The following TIMP2 variants were observed in gnomAD, a reference collection of about 807,000 sequenced individuals.
The protein encoded by TIMP2 is TIMP metallopeptidase inhibitor 2, also known as metalloproteinase inhibitor 2.
Under a neutral mutation model 24.3 loss-of-function variants are expected in TIMP2, and 5 were observed. The observed-to-expected ratio is 0.21, with a 90% CI of 0.11 to 0.43. The LOEUF (loss-of-function observed/expected upper bound fraction) is 0.43, where lower values mean the gene tolerates loss of function less well. TIMP2 is among the 20% of genes least tolerant of loss of function. The probability of loss-of-function intolerance (pLI) is 1.00; values close to 1 mark genes in which losing one functional copy is unlikely to be tolerated. For synonymous variants in TIMP2, 130 were observed against 123.2 expected (o/e 1.06, Z -0.37); for missense variants, 221 against 297.5 (o/e 0.74, Z 1.89).
chr17:78,899,414 G>C (rs534821255), intron 1 of TIMP2: 1 of 152,346 alleles, frequency 6.6e-6, no homozygotes, highest in Non-Finnish European at 1.5e-5. Flanking sequence ...AAGTCTCTGA[G>C]TGCAACCCGC....
At chr17:78,922,851 A>G (rs1434843288) in intron 1 of TIMP2, among the ~76,000 whole-genome samples, 2 of 152,208 alleles carry the variant, frequency 1.3e-5, no homozygotes, top group Non-Finnish European at 2.9e-5. Context: ...AGAGAAGGCC[A>G]TGTGAAGACA....
At position 78,855,588 on chromosome 17, in the gene TIMP2, G is replaced by C; in HGVS notation, c.*79C>G. 6.8e-7 allele frequency: 1 copy of C among 1,481,444 alleles called. No homozygotes were observed. Among genetic ancestry groups the C allele is most frequent in the Non-Finnish European group, 9.2e-7 (1 of 1,083,274 alleles). The allele number at this position is 1,481,444 out of a possible 1,614,324, so 91.8% of individuals were successfully genotyped here. On this transcript the variant is annotated 3_prime_UTR_variant, in exon 5 of 5. Transcript: ENST00000262768. The surrounding 1 kb of genome is among the most constrained non-coding windows in gnomAD (Gnocchi z 6.0). ...AGTGTTTTATTCATGCTGTTTCCAG[G>C]AAGGGATGTCAGAGCTGGACCAGTC... is the stretch of plus-strand genomic sequence containing the variant.
chr17:78,918,954 T>C (rs2070286687), intron 1 of TIMP2, among the ~76,000 whole-genome samples: 1 of 149,804 alleles, frequency 6.7e-6, no homozygotes, highest in East Asian at 2.0e-4. Context: ...CACTCCAGCC[T>C]GGGTGACACA....
intron 1 of TIMP2, among the ~76,000 whole-genome samples, chr17:78,923,058 C>T (rs1286078097): frequency 1.3e-5 from 2 of 152,088 alleles, no homozygotes; most frequent in African/African-American, 4.8e-5. Flanking sequence ...TTTGTCACAG[C>T]GGCCACAGGA....
intron 3 of TIMP2, among the ~76,000 whole-genome samples, chr17:78,867,752 C>T (rs531116144): frequency 1.1e-4 from 17 of 151,894 alleles, no homozygotes; most frequent in African/African-American, 2.2e-4. Context: ...CCCGCCACCA[C>T]GCCCGGCTAA....
At chr17:78,872,456 T>C (rs2069693985) in intron 2 of TIMP2, among the ~76,000 whole-genome samples, 1 of 152,168 alleles carries the variant, frequency 6.6e-6, no homozygotes, top group South Asian at 2.1e-4. Flanking sequence ...AGGTGAAGAA[T>C]GGCATTTTCT....
At chr17:78,868,493 C>T (rs950120129) in intron 3 of TIMP2, among the ~76,000 whole-genome samples, 9 of 152,102 alleles carry the variant, frequency 5.9e-5, no homozygotes, top group African/African-American at 9.7e-5. Context: ...TCAAGCAATC[C>T]GCCCGCCTCA....
chr17:78,888,316 G>A (rs780049561), intron 1 of TIMP2, among the ~76,000 whole-genome samples: 2 of 151,346 alleles, frequency 1.3e-5, no homozygotes, highest in Non-Finnish European at 2.9e-5. Flanking sequence ...CCACCACCAC[G>A]CCCGGCTAAT....
intron 1 of TIMP2, among the ~76,000 whole-genome samples, chr17:78,918,080 A>ACACACGCG (rs1355685191): frequency 6.0e-5 from 9 of 150,732 alleles, no homozygotes; most frequent in African/African-American, 2.2e-4. Context: ...ACACACACAC[A>ACACACGCG]CACACACACA....
chr17:78,887,901 A>G (rs953036943), intron 1 of TIMP2, among the ~76,000 whole-genome samples: 10 of 152,172 alleles, frequency 6.6e-5, no homozygotes, highest in Non-Finnish European at 1.3e-4. Flanking sequence ...TGGAGAAGCT[A>G]TGATCCTGGA....
intron 1 of TIMP2, among the ~76,000 whole-genome samples, chr17:78,919,601 G>A (rs754133110): frequency 2.0e-4 from 30 of 152,304 alleles, no homozygotes; most frequent in South Asian, 6.2e-4. Flanking sequence ...TTGGGAGGCC[G>A]AGGTGGGCGG....
chr17:78,907,102 C>T (rs139644131), intron 1 of TIMP2, among the ~76,000 whole-genome samples: 6 of 150,978 alleles, frequency 4.0e-5, no homozygotes, highest in Non-Finnish European at 7.4e-5. Context: ...GGTGTGATCT[C>T]GGCTCACTGC....
rs1325957650 is a variant in TIMP2, at chr17:78,915,630, A to G, written c.130+9329T>C. 2.0e-5 allele frequency among the ~76,000 whole-genome samples: 3 copies of G among 150,596 alleles called. No homozygotes were observed. The East Asian group carries it at 5.9e-4, about 30-fold the overall frequency. The stretch of plus-strand genomic sequence containing the variant: ...TGCTTCCCAGGTTCAAGCGATTCTC[A>G]TGCCTCAGCCTCCCGAGTAGCTGGG... On this transcript the variant is annotated intron_variant, in intron 1 of 4. Transcript: ENST00000262768.
intron 3 of TIMP2, among the ~76,000 whole-genome samples, chr17:78,862,167 G>A (rs1477001484): frequency 1.3e-5 from 2 of 152,164 alleles, no homozygotes; most frequent in Non-Finnish European, 1.5e-5. Flanking sequence ...TGCCCGACTC[G>A]ACACGTGAGA....
intron 3 of TIMP2, among the ~76,000 whole-genome samples, chr17:78,864,826 C>T (rs1315735327): frequency 1.3e-5 from 2 of 152,018 alleles, no homozygotes; most frequent in Non-Finnish European, 1.5e-5. Context: ...CCAAGGCAGG[C>T]GGATCACCTG....
Position 78,925,212 on chromosome 17 carries a change from T to A in TIMP2, c.-124A>T. On this transcript the variant is annotated 5_prime_UTR_variant, in exon 1 of 5. Transcript: ENST00000262768. ...CCGAGGCGGGCCCCTCCCGCGCGGC[T>A]CACCCTCCTCACCTGCCCCGCTCGG... 5.6e-6 allele frequency: 1 copy of A among 179,110 alleles called. No individual in the cohort carries two copies. The highest frequency in any genetic ancestry group is 1.0e-5 in the Non-Finnish European group (1 of 99,206). The allele number at this position is 179,110 out of a possible 1,614,324, so 11.1% of individuals were successfully genotyped here.
rs1020711589 is a variant in TIMP2, at chr17:78,920,715, G to A, written c.130+4244C>T. ...ATTACTCCTGAATTTTGGTTATTTC[G>A]AAAGTTTATCTGTTGTTAATTATTT... On this transcript the variant is annotated intron_variant, in intron 1 of 4. Transcript: ENST00000262768. This position sits in a 1 kb window ranked among gnomAD's most constrained non-coding sequence, Gnocchi z 4.5. Among the ~76,000 whole-genome samples the A allele has an allele frequency of 3.3e-5, 5 of 152,124 alleles. No homozygotes were observed. The highest frequency in any genetic ancestry group is 4.8e-5 in the African/African-American group (2 of 41,422).
intron 3 of TIMP2, among the ~76,000 whole-genome samples, chr17:78,860,990 C>T (rs977817869): frequency 1.3e-5 from 2 of 150,804 alleles, no homozygotes; most frequent in East Asian, 1.9e-4. Context: ...GAGCCAAGAT[C>T]GCGCCATTGC....
At chr17:78,870,390 T>C (rs1386518929) in intron 3 of TIMP2, among the ~76,000 whole-genome samples, 1 of 143,312 alleles carries the variant, frequency 7.0e-6, no homozygotes, top group Non-Finnish European at 1.5e-5. Context: ...CACTCCAGCC[T>C]GGGCGACAGA....
Sources: allele counts gnomAD v4.1 joint callset (sites outside exome capture counted in the v4.1 genomes callset), GRCh38; gene constraint gnomAD v4.1.1; non-coding constraint Gnocchi (gnomAD v3.1); transcripts MANE v1.5; gene names NCBI Gene and HGNC (gene_info 2026-07-23, HGNC 2026-07-21).